Variants in HP1BP3 observed in about 807,000 individuals in gnomAD.
The protein encoded by HP1BP3 is heterochromatin protein 1 binding protein 3, also known as heterochromatin protein 1-binding protein 3.
A neutral mutation model predicts 62.5 loss-of-function variants in HP1BP3; 12 were observed. That is an observed-to-expected ratio of 0.19 (90% CI 0.12 to 0.31). HP1BP3 has a LOEUF of 0.31. HP1BP3 is among the 10% of genes least tolerant of loss of function. The probability of loss-of-function intolerance (pLI) is 1.00; values close to 1 mark genes in which losing one functional copy is unlikely to be tolerated. For missense variants in HP1BP3, 502 were observed against 651.8 expected (o/e 0.77, Z 2.50); for synonymous variants, 260 against 237.8 (o/e 1.09, Z -0.86).
At chr1:20,780,299 C>T in intron 2 of HP1BP3, 46 bp downstream of exon 2, 1 of 1,382,522 alleles carries the variant, frequency 7.2e-7, no homozygotes, top group Non-Finnish European at 1.0e-6. Flanking sequence ...GGCCTGAAGT[C>T]AGGGATTGAT....
chr1:20,776,552 T>C (rs2057312503), intron 4 of HP1BP3, 45 bp downstream of exon 4: 1 of 1,539,462 alleles, frequency 6.5e-7, no homozygotes, highest in Non-Finnish European at 8.9e-7. Flanking sequence ...AAAGTCCTTT[T>C]ACACATTCTT....
At position 20,776,687 on chromosome 1, in the gene HP1BP3, G is replaced by A. The variant is rs779430559; in HGVS notation, c.260C>T (p.Pro87Leu). The A allele has an allele frequency of 2.5e-6, 4 of 1,613,706 alleles. No individual in the cohort carries two copies. The highest frequency in any genetic ancestry group is 3.4e-6 in the Non-Finnish European group (4 of 1,179,800). Residue 87 changes from proline (P) to leucine (L), a missense_variant, in exon 4 of 13, where the codon CCT (proline) becomes CTT (leucine). Coordinates refer to ENST00000438032, the MANE Select transcript of HP1BP3 (RefSeq NM_001372052.1). ...TVEEQENETP[P>L]ATSSEAEQPK... ...CTGCTCTGCCTCACTCGAAGTAGCA[G>A]GTGGAGTTTCATTCTCTTGTTCTTC... is the stretch of plus-strand genomic sequence containing the variant.
chr1:20,757,961 T>C (rs577777425), intron 8 of HP1BP3, among the ~76,000 whole-genome samples: 18 of 151,946 alleles, frequency 1.2e-4, no homozygotes, highest in African/African-American at 4.1e-4. Context: ...CTGGCCAACA[T>C]AGTGAAACCT....
At chr1:20,756,893 T>C (rs1467647684) in intron 9 of HP1BP3, among the ~76,000 whole-genome samples, 1 of 152,106 alleles carries the variant, frequency 6.6e-6, no homozygotes, top group East Asian at 1.9e-4. Flanking sequence ...TTTTTGTATT[T>C]TTAGTGGAGA....
rs557144959 is a variant in HP1BP3 at position 20,751,590 on chromosome 1, C to T, written c.982-1708G>A. Among the ~76,000 whole-genome samples the T allele has an allele frequency of 8.6e-5, 13 of 151,898 alleles. No individual in the cohort carries two copies. The East Asian group carries it at 9.7e-4, about 11-fold the overall frequency. ...AAATAAAAAAACTAGCTATGAATGGCGGCATGCCTGTAGCCTACCTACATG... is the reference window on the plus strand; with the variant it reads ...AAATAAAAAAACTAGCTATGAATGGTGGCATGCCTGTAGCCTACCTACATG... On this transcript the variant is annotated intron_variant, in intron 9 of 12. Coordinates refer to ENST00000438032, the MANE Select transcript of HP1BP3 (RefSeq NM_001372052.1).
chr1:20,749,572 A>G, intron 10 of HP1BP3, 151 bp downstream of exon 10: 2 of 633,360 alleles, frequency 3.2e-6, no homozygotes, highest in Non-Finnish European at 5.4e-6. Flanking sequence ...TGTTGGCCAG[A>G]CTGGTCTCAA....
intron 8 of HP1BP3, among the ~76,000 whole-genome samples, 191 bp downstream of exon 8, chr1:20,765,186 A>C (rs554809855): frequency 2.0e-5 from 3 of 151,686 alleles, no homozygotes; most frequent in African/African-American, 7.2e-5. Context: ...AAAAAAAAAA[A>C]AAAAAAAAAA....
chr1:20,765,581 CTACA>C, intron 7 of HP1BP3, 50 bp from the exon 8 acceptor site: 1 of 1,425,310 alleles, frequency 7.0e-7, no homozygotes, highest in Non-Finnish European at 9.7e-7. Flanking sequence ...GTAAATGTTT[CTACA>C]TACAACTCAA....
intron 8 of HP1BP3, among the ~76,000 whole-genome samples, chr1:20,764,757 T>A (rs1459123362): frequency 6.8e-6 from 1 of 147,752 alleles, no homozygotes; most frequent in Non-Finnish European, 1.5e-5. Context: ...GGGCCTGTAA[T>A]CCCAGCTATT....
intron 8 of HP1BP3, among the ~76,000 whole-genome samples, chr1:20,757,886 T>C (rs988738704): frequency 5.3e-5 from 8 of 151,970 alleles, no homozygotes; most frequent in African/African-American, 1.7e-4. Flanking sequence ...TGGCTCACGC[T>C]TGTAATCCCA....
rs55961051 is a variant in HP1BP3, at chr1:20,772,323, G to A, written c.510+1128C>T. On this transcript the variant is annotated intron_variant, in intron 5 of 12. Coordinates refer to ENST00000438032, the MANE Select transcript of HP1BP3 (RefSeq NM_001372052.1). ...TTCAAACCATTCTTTAAGCCAAATTGATATTGTTTTAATTTTTTATTTCAC... is the reference window on the plus strand; with the variant it reads ...TTCAAACCATTCTTTAAGCCAAATTAATATTGTTTTAATTTTTTATTTCAC... 5.4e-3 allele frequency among the ~76,000 whole-genome samples: 818 copies of A among 151,430 alleles called. 2 individuals are homozygous for A. The highest frequency in any genetic ancestry group is 8.2e-3 in the Non-Finnish European group (557 of 67,684).
At chr1:20,766,563 G>A (rs1469095282) in intron 7 of HP1BP3, among the ~76,000 whole-genome samples, 1 of 152,174 alleles carries the variant, frequency 6.6e-6, no homozygotes, top group East Asian at 1.9e-4. Flanking sequence ...TATATGTGTT[G>A]GGAAGAAGAA....
chr1:20,767,582 A>G lies in HP1BP3; in HGVS notation c.735+2T>C. On this transcript the variant is annotated splice_donor_variant, in intron 7 of 12. Coordinates refer to ENST00000438032, the MANE Select transcript of HP1BP3 (RefSeq NM_001372052.1). LOFTEE classifies it high-confidence loss of function. Reference sequence around the variant, plus strand: ...ACTCAAACTGTGGTATAGATGTCTTACCTTTCTGTTTCTGGATTTCTGAGG... The same window carrying G: ...ACTCAAACTGTGGTATAGATGTCTTGCCTTTCTGTTTCTGGATTTCTGAGG... 1 of 1,595,094 alleles carries G rather than the reference A, an allele frequency of 6.3e-7. No homozygotes were observed. The highest frequency in any genetic ancestry group is 8.6e-7 in the Non-Finnish European group (1 of 1,165,558).
At position 20,770,857 on chromosome 1, in the gene HP1BP3, C is replaced by A. The variant is rs201614762; in HGVS notation, c.654+73G>T. 6.2e-5 allele frequency: 73 copies of A among 1,169,214 alleles called. No homozygotes were observed. In the Middle Eastern group the frequency reaches 8.4e-4, roughly 13 times the overall value. The allele number at this position is 1,169,214 out of a possible 1,614,324, so 72.4% of individuals were successfully genotyped here. A position where few individuals can be genotyped will look rare whatever the true frequency, so the allele number is the denominator to read the frequency against. On this transcript the variant is annotated intron_variant, in intron 6 of 12. Coordinates refer to ENST00000438032, the MANE Select transcript of HP1BP3 (RefSeq NM_001372052.1). ...TTTTAACAAAAAAGGCACAAAAAGC[C>A]TAAATGTTACTAACTGTAGACTTAA... is the stretch of plus-strand genomic sequence containing the variant.
chr1:20,742,742 T>C lies in HP1BP3; in HGVS notation c.*2055A>G, dbSNP rs574694984. On this transcript the variant is annotated 3_prime_UTR_variant, in exon 13 of 13. Transcript: ENST00000438032. ...TATATGTACATTAAAAAAGGAAGAT[T>C]TACAACAGGAAAGATTGCCTTACAT... is the stretch of plus-strand genomic sequence containing the variant. 3 of 152,590 alleles carry C rather than the reference T, an allele frequency of 2.0e-5. No homozygotes were observed. Among genetic ancestry groups the C allele is most frequent in the Non-Finnish European group, 2.9e-5 (2 of 68,044 alleles). 9.5% of individuals were successfully genotyped at this position (152,590 alleles called of 1,614,324 possible). A position where few individuals can be genotyped will look rare whatever the true frequency, so the allele number is the denominator to read the frequency against.
intron 3 of HP1BP3, among the ~76,000 whole-genome samples, chr1:20,779,324 CTA>C (rs1490967807): frequency 6.6e-6 from 1 of 152,120 alleles, no homozygotes; most frequent in East Asian, 1.9e-4. Context: ...GTTGATGGGT[CTA>C]TGTTTCTTTC....
chr1:20,759,601 T>A (rs1191569299), intron 8 of HP1BP3, among the ~76,000 whole-genome samples: 2 of 152,190 alleles, frequency 1.3e-5, no homozygotes, highest in African/African-American at 4.8e-5. Flanking sequence ...CACCCTGATC[T>A]CAGACTTCGA....
intron 8 of HP1BP3, among the ~76,000 whole-genome samples, chr1:20,764,614 A>G (rs2056671418): frequency 1.3e-5 from 2 of 150,834 alleles, no homozygotes; most frequent in South Asian, 2.1e-4. Context: ...GTTCAATACT[A>G]CATATCTTAA....
intron 9 of HP1BP3, among the ~76,000 whole-genome samples, chr1:20,753,008 C>A (rs529566396): frequency 5.5e-4 from 84 of 151,980 alleles, no homozygotes; most frequent in Non-Finnish European, 8.8e-4. Context: ...GTGGCGTGAT[C>A]TTGGCTTACT....
Sources: allele counts gnomAD v4.1 joint callset (sites outside exome capture counted in the v4.1 genomes callset), GRCh38; gene constraint gnomAD v4.1.1; transcripts MANE v1.5; gene names NCBI Gene and HGNC (gene_info 2026-07-23, HGNC 2026-07-21).